Variants in KIAA1143 observed in about 807,000 individuals in gnomAD.
KIAA1143 encodes the protein uncharacterized protein KIAA1143.
KIAA1143 carries 8 observed loss-of-function variants against 17.0 expected under a neutral mutation model. That is an observed-to-expected ratio of 0.47 (90% CI 0.28 to 0.85). The LOEUF (loss-of-function observed/expected upper bound fraction) is 0.85, where lower values mean the gene tolerates loss of function less well. KIAA1143 is among the 40% of genes least tolerant of loss of function. The probability of loss-of-function intolerance (pLI) is 0.12; values close to 1 mark genes in which losing one functional copy is unlikely to be tolerated. For synonymous variants in KIAA1143, 64 were observed against 67.8 expected (o/e 0.94, Z 0.27); for missense variants, 162 against 183.3 (o/e 0.88, Z 0.67).
intron 1 of KIAA1143, 79 bp downstream of exon 1, chr3:44,761,416 C>G (rs547815184): frequency 5.3e-5 from 59 of 1,123,674 alleles, no homozygotes; most frequent in Middle Eastern, 5.1e-4. Context: ...CCGACAGCAC[C>G]CACCCTCCAA....
At chr3:44,754,442 C>A in intron 1 of KIAA1143, 74 bp from the exon 2 acceptor site, 2 of 1,355,438 alleles carry the variant, frequency 1.5e-6, no homozygotes, top group Non-Finnish European at 2.1e-6. Context: ...CTAAGAGAAA[C>A]TGTAATTATT....
intron 1 of KIAA1143, among the ~76,000 whole-genome samples, chr3:44,755,877 G>A (rs1480938425): frequency 6.6e-6 from 1 of 152,222 alleles, no homozygotes; most frequent in Non-Finnish European, 1.5e-5. Flanking sequence ...CCAACAGAAT[G>A]GAAAATGATG....
In KIAA1143 at chr3:44,749,370, CAG is replaced by C. The variant is rs1704863538; in HGVS notation, c.*3969_*3970del. 1 of 152,166 alleles carries C rather than the reference CAG, an allele frequency of 6.6e-6. No individual in the cohort carries two copies. The highest frequency in any genetic ancestry group is 2.1e-4 in the South Asian group (1 of 4,818). The allele number at this position is 152,166 out of a possible 1,614,324, so 9.4% of individuals were successfully genotyped here. A position where few individuals can be genotyped will look rare whatever the true frequency, so the allele number is the denominator to read the frequency against. On this transcript the variant is annotated 3_prime_UTR_variant, in exon 3 of 3. Coordinates refer to ENST00000296121, the MANE Select transcript of KIAA1143 (RefSeq NM_020696.4). ...CGCCACTGCACTCCAGCCTGGGTGA[CAG>C]AGCGAGACTCTGTCTCAAAAAAACA...
intron 1 of KIAA1143, among the ~76,000 whole-genome samples, chr3:44,755,095 T>G (rs1341970120): frequency 1.3e-5 from 2 of 152,144 alleles, no homozygotes; most frequent in African/African-American, 4.8e-5. Flanking sequence ...TCCCACAACT[T>G]AACTCAAAAA....
intron 1 of KIAA1143, 103 bp downstream of exon 1, chr3:44,761,392 G>A (rs1404829641): frequency 4.7e-6 from 4 of 844,964 alleles, no homozygotes; most frequent in East Asian, 2.7e-5. Flanking sequence ...TCGAGCGCGG[G>A]TGAAAAGAGG....
Position 44,761,608 on chromosome 3 carries a change from C to T in KIAA1143, c.-6G>A. 6.4e-7 allele frequency: 1 copy of T among 1,565,650 alleles called. No homozygotes were observed. Among genetic ancestry groups the T allele is most frequent in the Non-Finnish European group, 8.6e-7 (1 of 1,162,810 alleles). ...ACCTGGTTCCGCTTGCTCATGGTAG[C>T]TCTGGGTAAAGACAGAAGACAGGTT... On this transcript the variant is annotated 5_prime_UTR_variant, in exon 1 of 3. Coordinates refer to ENST00000296121, the MANE Select transcript of KIAA1143 (RefSeq NM_020696.4).
intron 1 of KIAA1143, among the ~76,000 whole-genome samples, chr3:44,754,591 T>G (rs989748412): frequency 6.6e-6 from 1 of 152,224 alleles, no homozygotes; most frequent in Non-Finnish European, 1.5e-5. Flanking sequence ...TTCATTTCCA[T>G]CTCAGCAGGA....
chr3:44,760,100 ACTTTT>A (rs1705053101), intron 1 of KIAA1143, among the ~76,000 whole-genome samples: 1 of 152,014 alleles, frequency 6.6e-6, no homozygotes, highest in East Asian at 1.9e-4. Context: ...TTAGCTTCAC[ACTTTT>A]CTTCTGCAGC....
At chr3:44,759,694 G>A (rs1161534841) in intron 1 of KIAA1143, among the ~76,000 whole-genome samples, 2 of 151,826 alleles carry the variant, frequency 1.3e-5, no homozygotes, top group African/African-American at 2.4e-5. Context: ...AGGAGTTTGA[G>A]ACCAGCCTTG....
chr3:44,757,833 A>G (rs1230044285), intron 1 of KIAA1143, among the ~76,000 whole-genome samples: 2 of 152,190 alleles, frequency 1.3e-5, no homozygotes, highest in Admixed American at 1.3e-4. Flanking sequence ...GCGACAGTGC[A>G]TGGGGTTAGC....
In KIAA1143 at chr3:44,754,110, G is replaced by A. The variant is rs1704930960; in HGVS notation, c.253+114C>T. On this transcript the variant is annotated intron_variant, in intron 2 of 2. Transcript: ENST00000296121. ...CACATCTGGTAAGTGTCAAAGCTAAGGCTTGAACCCGGAACTGCCACCTTG... is the reference window on the plus strand; with the variant it reads ...CACATCTGGTAAGTGTCAAAGCTAAAGCTTGAACCCGGAACTGCCACCTTG... 4 of 1,040,568 alleles carry A rather than the reference G, an allele frequency of 3.8e-6. No homozygotes were observed. In the Admixed American group the frequency reaches 9.1e-5, roughly 24 times the overall value. The allele number at this position is 1,040,568 out of a possible 1,614,324, so 64.5% of individuals were successfully genotyped here.
At chr3:44,760,875 G>A (rs1705094233) in intron 1 of KIAA1143, among the ~76,000 whole-genome samples, 1 of 151,558 alleles carries the variant, frequency 6.6e-6, no homozygotes, top group Non-Finnish European at 1.5e-5. Context: ...CAGAGACGGG[G>A]GGTTTCACCA....
rs1357196751 is a variant in KIAA1143, at chr3:44,749,636, T to C, written c.*3705A>G. On this transcript the variant is annotated 3_prime_UTR_variant, in exon 3 of 3. Coordinates refer to ENST00000296121, the MANE Select transcript of KIAA1143 (RefSeq NM_020696.4). ...CCCAACATTTGGAGAAATCTCTCAC[T>C]AGATGGCCTTTCAAATAAATGAGAA... The C allele has an allele frequency of 1.3e-5, 2 of 152,144 alleles. No individual in the cohort carries two copies. The highest frequency in any genetic ancestry group is 2.9e-5 in the Non-Finnish European group (2 of 68,050). The allele number at this position is 152,144 out of a possible 1,614,324, so 9.4% of individuals were successfully genotyped here. A position where few individuals can be genotyped will look rare whatever the true frequency, so the allele number is the denominator to read the frequency against.
At chr3:44,760,825 G>A (rs1395546367) in intron 1 of KIAA1143, among the ~76,000 whole-genome samples, 1 of 152,020 alleles carries the variant, frequency 6.6e-6, no homozygotes, top group Non-Finnish European at 1.5e-5. Context: ...TGGGACTACA[G>A]GCATGTGCCA....
rs1227060477 is a variant in KIAA1143 at position 44,754,451 on chromosome 3, TTTA to T, written c.109-86_109-84del. 2.1e-5 allele frequency: 27 copies of T among 1,273,764 alleles called. No homozygotes were observed. The East Asian group carries it at 5.8e-4, about 27-fold the overall frequency. 78.9% of individuals were successfully genotyped at this position (1,273,764 alleles called of 1,614,324 possible). On this transcript the variant is annotated intron_variant, in intron 1 of 2. Coordinates refer to ENST00000296121, the MANE Select transcript of KIAA1143 (RefSeq NM_020696.4). ...CTGCCTCTAAGAGAAACTGTAATTA[TTTA>T]TGAGAAGGGTATCTTTATTGAGTAA...
Position 44,750,936 on chromosome 3 carries a change from A to C in KIAA1143, c.*2405T>G, listed in dbSNP as rs1438548246. 11 of 126,282 alleles carry C rather than the reference A, an allele frequency of 8.7e-5. No individual in the cohort carries two copies. In the East Asian group the frequency reaches 2.5e-3, roughly 28 times the overall value. The allele number at this position is 126,282 out of a possible 1,614,324, so 7.8% of individuals were successfully genotyped here. On this transcript the variant is annotated 3_prime_UTR_variant, in exon 3 of 3. Transcript: ENST00000296121. The stretch of plus-strand genomic sequence containing the variant: ...CTAATTTCTCCAGAATTTGTAAACT[A>C]TTTATGAATATTCTTAATTCATGGC...
Position 44,748,842 on chromosome 3 carries a change from T to G in KIAA1143, c.*4499A>C, listed in dbSNP as rs564027899. 3 of 152,298 alleles carry G rather than the reference T, an allele frequency of 2.0e-5. No individual in the cohort carries two copies. Among genetic ancestry groups the G allele is most frequent in the African/African-American group, 4.8e-5 (2 of 41,576 alleles). The allele number at this position is 152,298 out of a possible 1,614,324, so 9.4% of individuals were successfully genotyped here. A position where few individuals can be genotyped will look rare whatever the true frequency, so the allele number is the denominator to read the frequency against. On this transcript the variant is annotated 3_prime_UTR_variant, in exon 3 of 3. Coordinates refer to ENST00000296121, the MANE Select transcript of KIAA1143 (RefSeq NM_020696.4). ...TAACACAAACTCCATGCTTTCAAGA[T>G]TCCCACACCCAGATACTAAGACATA... is the stretch of plus-strand genomic sequence containing the variant.
chr3:44,754,780 A>G (rs1035984516), intron 1 of KIAA1143, among the ~76,000 whole-genome samples: 11 of 152,208 alleles, frequency 7.2e-5, no homozygotes, highest in Non-Finnish European at 1.6e-4. Flanking sequence ...AGCAGCAAGT[A>G]AAACGTACTC....
Position 44,761,511 on chromosome 3 carries a change from G to A in KIAA1143, c.92C>T (p.Pro31Leu), listed in dbSNP as rs939064046. Residue 31 changes from proline to leucine, a missense_variant, in exon 1 of 3, where the codon CCC (proline) becomes CTC (leucine). Pro to Leu is a moderately conservative substitution (Grantham distance 98, BLOSUM62 -3). Around this residue, in one of 2 missense-constraint regions of KIAA1143, gnomAD observed 137 missense variants for 132.5 expected, o/e 1.03. Coordinates refer to ENST00000296121, the MANE Select transcript of KIAA1143 (RefSeq NM_020696.4). ...AAGGCTCACCTTAGTCTCTACGGTG[G>A]GTCCCTCCCTGTAGCCGACCCGTTC... ...FKERVGYREGPTVETKRIQPQ... is the reference protein window; with the variant it reads ...FKERVGYREGLTVETKRIQPQ... 1.9e-6 allele frequency: 3 copies of A among 1,613,540 alleles called. No homozygotes were observed. Among genetic ancestry groups the A allele is most frequent in the East Asian group, 4.5e-5 (2 of 44,872 alleles).
Sources: allele counts gnomAD v4.1 joint callset (sites outside exome capture counted in the v4.1 genomes callset), GRCh38; gene constraint gnomAD v4.1.1; regional missense constraint gnomAD v4.1.1; transcripts MANE v1.5; gene names NCBI Gene and HGNC (gene_info 2026-07-23, HGNC 2026-07-21).